Variants in CRIM1 observed in about 807,000 individuals in gnomAD.
The protein encoded by CRIM1 is cysteine rich transmembrane BMP regulator 1.
A neutral mutation model predicts 116.4 loss-of-function variants in CRIM1; 32 were observed. That is an observed-to-expected ratio of 0.27 (90% CI 0.21 to 0.37). The LOEUF is 0.37. Among genes scored for constraint, CRIM1 ranks in the 10% least tolerant of loss-of-function variants. The pLI, the probability that CRIM1 is intolerant of heterozygous loss-of-function variation, is 1.00. For synonymous variants in CRIM1, 590 were observed against 509.2 expected (o/e 1.16, Z -2.13); for missense variants, 1,331 against 1,354.8 (o/e 0.98, Z 0.28).
intron 7 of CRIM1, among the ~76,000 whole-genome samples, chr2:36,482,502 T>C (rs183702014): frequency 3.3e-5 from 5 of 152,352 alleles, no homozygotes; most frequent in Admixed American, 2.6e-4. Context: ...AAGACATTTT[T>C]TCTCAGCAGT....
chr2:36,402,899 C>T (rs1488215461), intron 2 of CRIM1, among the ~76,000 whole-genome samples: 1 of 152,026 alleles, frequency 6.6e-6, no homozygotes, highest in Non-Finnish European at 1.5e-5. Context: ...TTAAATTTGA[C>T]ATCCACATAG....
intron 2 of CRIM1, among the ~76,000 whole-genome samples, chr2:36,407,795 C>T (rs935166187): frequency 2.6e-5 from 4 of 151,612 alleles, no homozygotes; most frequent in African/African-American, 9.7e-5. Context: ...TTTATTCCTA[C>T]ACATTAGGTT....
rs750547617 is a variant in CRIM1, at chr2:36,510,150, G to A, written c.1658+11G>A. 2.5e-6 allele frequency: 4 copies of A among 1,607,450 alleles called. No individual in the cohort carries two copies. In the African/African-American group the frequency reaches 4.0e-5, roughly 16 times the overall value. ...TCCACTTGGATTGCTGTACGTATTT[G>A]TTAATTCAGAAAAGCTATTATGAAG... On this transcript the variant is annotated intron_variant, in intron 9 of 16. Coordinates refer to ENST00000280527, the MANE Select transcript of CRIM1 (RefSeq NM_016441.3).
intron 13 of CRIM1, among the ~76,000 whole-genome samples, chr2:36,532,958 G>C (rs1348094697): frequency 1.3e-5 from 2 of 152,110 alleles, no homozygotes; most frequent in Admixed American, 6.5e-5. Context: ...CAAACCAGTT[G>C]GAATAATAAA....
At chr2:36,372,286 A>G (rs924536474) in intron 1 of CRIM1, among the ~76,000 whole-genome samples, 3 of 152,216 alleles carry the variant, frequency 2.0e-5, no homozygotes, top group Middle Eastern at 3.2e-3. Flanking sequence ...GATTTACTCC[A>G]AACCCTATGA....
At chr2:36,495,725 C>T (rs1558368732) in intron 7 of CRIM1, among the ~76,000 whole-genome samples, 1 of 151,958 alleles carries the variant, frequency 6.6e-6, no homozygotes, top group Non-Finnish European at 1.5e-5. Context: ...AATTGAATCT[C>T]AGTTGTCTCA....
At chr2:36,381,613 G>A (rs41531451) in intron 1 of CRIM1, among the ~76,000 whole-genome samples, 2,177 of 152,276 alleles carry the variant, frequency 0.014, 61 homozygotes, top group African/African-American at 0.05. Flanking sequence ...ATTAGAAAGC[G>A]GAAAAGACCC....
chr2:36,482,496 C>CCT (rs1308367060), intron 7 of CRIM1, among the ~76,000 whole-genome samples: 2 of 152,154 alleles, frequency 1.3e-5, no homozygotes, highest in African/African-American at 4.8e-5. Flanking sequence ...CATTTGAAGA[C>CCT]ATTTTTTCTC....
intron 1 of CRIM1, among the ~76,000 whole-genome samples, chr2:36,376,265 C>T (rs1433192526): frequency 6.6e-6 from 1 of 152,188 alleles, no homozygotes; most frequent in African/African-American, 2.4e-5. Flanking sequence ...CCAAAAGCTT[C>T]TTAACCAATG....
intron 2 of CRIM1, among the ~76,000 whole-genome samples, chr2:36,440,978 G>A (rs959971709): frequency 6.6e-6 from 1 of 152,172 alleles, no homozygotes; most frequent in African/African-American, 2.4e-5. Context: ...CTTCCCTTCA[G>A]CTTTCTTCAT....
chr2:36,435,354 G>C (rs985372855), intron 2 of CRIM1, among the ~76,000 whole-genome samples: 2 of 152,088 alleles, frequency 1.3e-5, no homozygotes, highest in African/African-American at 4.8e-5. Flanking sequence ...GTGTGTGAGT[G>C]AGAGAGAGAC....
chr2:36,508,122 AT>A (rs1194017768), intron 8 of CRIM1, among the ~76,000 whole-genome samples: 1 of 152,192 alleles, frequency 6.6e-6, no homozygotes, highest in Non-Finnish European at 1.5e-5. Flanking sequence ...ATAATTACAA[AT>A]TTCTAAATGA....
chr2:36,376,138 A>G (rs1306657089), intron 1 of CRIM1, among the ~76,000 whole-genome samples: 1 of 152,196 alleles, frequency 6.6e-6, no homozygotes, highest in Non-Finnish European at 1.5e-5. Flanking sequence ...TCCTGTTGGA[A>G]CCAATTTATA....
At chr2:36,473,293 C>T (rs1362632707) in intron 5 of CRIM1, among the ~76,000 whole-genome samples, 1 of 152,168 alleles carries the variant, frequency 6.6e-6, no homozygotes, top group Admixed American at 6.5e-5. Context: ...CCAGCTTTCA[C>T]CGGCAGATTG....
chr2:36,378,560 A>T (rs1670493115), intron 1 of CRIM1: 1 of 356,408 alleles, frequency 2.8e-6, no homozygotes, highest in Admixed American at 3.7e-5. Flanking sequence ...AAGGAAGTTA[A>T]TTTGAAAGTT....
At chr2:36,371,058 A>G (rs945900897) in intron 1 of CRIM1, among the ~76,000 whole-genome samples, 4 of 152,184 alleles carry the variant, frequency 2.6e-5, no homozygotes, top group Non-Finnish European at 2.9e-5. Context: ...CATTCTTCTT[A>G]ATATCTAGTG....
chr2:36,546,799 T>C lies in CRIM1; in HGVS notation c.2747-185T>C, dbSNP rs545309410. ...TTTTTTTTTTTTTTTTTAACATTCA[T>C]CCCTAAGCGCTCTGCTCTCTACTAA... On this transcript the variant is annotated intron_variant, in intron 15 of 16. Coordinates refer to ENST00000280527, the MANE Select transcript of CRIM1 (RefSeq NM_016441.3). Among the ~76,000 whole-genome samples the C allele has an allele frequency of 3.6e-5, 5 of 137,308 alleles. No homozygotes were observed. The East Asian group carries it at 1.3e-3, about 35-fold the overall frequency. 90.1% of individuals were successfully genotyped at this position (137,308 alleles called of 152,430 possible). A position where few individuals can be genotyped will look rare whatever the true frequency, so the allele number is the denominator to read the frequency against.
chr2:36,388,353 C>G (rs993196507), intron 1 of CRIM1, among the ~76,000 whole-genome samples: 3 of 152,126 alleles, frequency 2.0e-5, no homozygotes, highest in Non-Finnish European at 4.4e-5. Context: ...AAAACAAAGT[C>G]TAATTGGTCT....
chr2:36,496,817 A>T (rs1481818314), intron 7 of CRIM1, among the ~76,000 whole-genome samples: 1 of 152,174 alleles, frequency 6.6e-6, no homozygotes, highest in Non-Finnish European at 1.5e-5. Flanking sequence ...TGTGGTTCTG[A>T]TCCTCAAATA....
Sources: gnomAD v4.1 joint callset for allele counts (sites outside exome capture counted in the v4.1 genomes callset) on GRCh38, gnomAD v4.1.1 for gene constraint, MANE v1.5 for transcripts, NCBI Gene and HGNC (gene_info 2026-07-23, HGNC 2026-07-21) for gene names.